The following DMRT1 variants were observed in gnomAD, a reference collection of about 807,000 sequenced individuals.
DMRT1 encodes the protein doublesex- and mab-3-related transcription factor 1.
In DMRT1, 7 loss-of-function variants were observed where a neutral mutation model predicts 32.3. The ratio of observed to expected loss-of-function variants is 0.22; its 90% CI spans 0.12 to 0.41. DMRT1 has a LOEUF of 0.41. Among genes scored for constraint, DMRT1 ranks in the 10% least tolerant of loss-of-function variants. DMRT1 has a pLI of 1.00. For synonymous variants in DMRT1, 278 were observed against 206.1 expected (o/e 1.35, Z -2.99); for missense variants, 625 against 500.5 (o/e 1.25, Z -2.37).
intron 3 of DMRT1, among the ~76,000 whole-genome samples, chr9:895,627 T>G (rs1241226162): frequency 6.6e-6 from 1 of 152,166 alleles, no homozygotes; most frequent in Non-Finnish European, 1.5e-5. Context: ...ATTGCCACAA[T>G]TAAGCTAATT....
At chr9:961,288 G>A (rs929911008) in intron 4 of DMRT1, among the ~76,000 whole-genome samples, 11 of 152,116 alleles carry the variant, frequency 7.2e-5, no homozygotes, top group Non-Finnish European at 1.3e-4. Context: ...CGCAAGCCTC[G>A]TTGTGACAGG....
intron 4 of DMRT1, among the ~76,000 whole-genome samples, chr9:959,014 A>C (rs940528752): frequency 2.0e-5 from 3 of 152,182 alleles, no homozygotes; most frequent in African/African-American, 7.2e-5. Context: ...CTGCTTTAAA[A>C]TTTTCTCATA....
At chr9:853,475 A>T (rs905448184) in intron 2 of DMRT1, among the ~76,000 whole-genome samples, 2 of 144,360 alleles carry the variant, frequency 1.4e-5, no homozygotes, top group Non-Finnish European at 3.0e-5. Flanking sequence ...TATTTAATTA[A>T]TTTTTTTTTT....
chr9:955,039 C>G (rs1233449321), intron 4 of DMRT1, among the ~76,000 whole-genome samples: 2 of 152,194 alleles, frequency 1.3e-5, no homozygotes. Flanking sequence ...TATTTAAAGC[C>G]TTGTGTGACA....
rs1012495448 is a variant in DMRT1 at position 844,723 on chromosome 9, T to C, written c.355-2237T>C. On this transcript the variant is annotated intron_variant, in intron 1 of 4. Coordinates refer to ENST00000382276, the MANE Select transcript of DMRT1 (RefSeq NM_021951.3). ...GTTGTTTTTCTTTCTTTCTTTCTTT[T>C]TTTTTTTTTTTTTTGAGACAGGAGT... Among the ~76,000 whole-genome samples the C allele has an allele frequency of 3.4e-4, 49 of 145,778 alleles. 1 individual carries two copies. The highest frequency in any genetic ancestry group is 1.2e-3 in the East Asian group (6 of 5,074).
chr9:916,943 G>A (rs1237415620), intron 4 of DMRT1, 36 bp downstream of exon 4: 7 of 1,613,342 alleles, frequency 4.3e-6, no homozygotes, highest in Non-Finnish European at 5.9e-6. Context: ...ATTTGGGGTT[G>A]AGAGAGGATG....
intron 4 of DMRT1, among the ~76,000 whole-genome samples, chr9:959,653 G>A (rs376956856): frequency 1.3e-5 from 2 of 152,092 alleles, no homozygotes; most frequent in South Asian, 2.1e-4. Flanking sequence ...TCAGCCTCCC[G>A]AGTAGCTGGG....
intron 4 of DMRT1, among the ~76,000 whole-genome samples, chr9:934,699 T>G (rs942082886): frequency 2.0e-5 from 3 of 152,250 alleles, no homozygotes; most frequent in Non-Finnish European, 4.4e-5. Flanking sequence ...AGCTTCATTC[T>G]TTTGCATGTG....
chr9:966,360 T>A (rs746628520), intron 4 of DMRT1, among the ~76,000 whole-genome samples: 10 of 152,106 alleles, frequency 6.6e-5, no homozygotes, highest in Admixed American at 2.0e-4. Flanking sequence ...TAAAAAAAAA[T>A]ATTTTCCTAT....
chr9:910,851 C>G (rs1156741414), intron 3 of DMRT1, among the ~76,000 whole-genome samples: 1 of 152,002 alleles, frequency 6.6e-6, no homozygotes, highest in East Asian at 1.9e-4. Context: ...TCATCATTCA[C>G]TGGAATCCTG....
chr9:968,098 A>T lies in DMRT1; in HGVS notation c.1081A>T (p.Ser361Cys). The change falls in exon 5 of 5, where the codon AGC (serine) becomes TGC (cysteine). Residue 361 changes from serine to cysteine, a missense_variant. Physicochemically the swap from Ser to Cys is moderately radical, Grantham distance 112. Coordinates refer to ENST00000382276, the MANE Select transcript of DMRT1 (RefSeq NM_021951.3). Reference protein sequence around the residue: ...VLECEPASEPSSFTVTPVIEE... With the variant: ...VLECEPASEPCSFTVTPVIEE... Reference sequence around the variant, plus strand: ...TGAATGTGAGCCTGCGTCGGAGCCCAGCAGCTTCACAGTCACTCCCGTCAT... The same window carrying T: ...TGAATGTGAGCCTGCGTCGGAGCCCTGCAGCTTCACAGTCACTCCCGTCAT... 6.2e-7 allele frequency: 1 copy of T among 1,614,178 alleles called. No homozygotes were observed. The highest frequency in any genetic ancestry group is 8.5e-7 in the Non-Finnish European group (1 of 1,180,040).
At chr9:874,093 G>C (rs1006081335) in intron 2 of DMRT1, among the ~76,000 whole-genome samples, 1 of 152,204 alleles carries the variant, frequency 6.6e-6, no homozygotes, top group African/African-American at 2.4e-5. Context: ...TGAGATTTTA[G>C]CATTGGCATG....
At chr9:857,978 A>G (rs1213500830) in intron 2 of DMRT1, among the ~76,000 whole-genome samples, 2 of 152,010 alleles carry the variant, frequency 1.3e-5, no homozygotes, top group Admixed American at 6.6e-5. Flanking sequence ...ATGGCTGCAT[A>G]GTATTCCATG....
intron 4 of DMRT1, among the ~76,000 whole-genome samples, chr9:926,636 A>G (rs138464189): frequency 7.2e-5 from 11 of 152,232 alleles, no homozygotes; most frequent in African/African-American, 2.6e-4. Flanking sequence ...CAGAGCAACT[A>G]CACAGAGGTT....
chr9:861,355 C>G (rs1815658391), intron 2 of DMRT1, among the ~76,000 whole-genome samples: 1 of 152,150 alleles, frequency 6.6e-6, no homozygotes, highest in South Asian at 2.1e-4. Context: ...GTGGACACAG[C>G]ACATGTTTCA....
At chr9:959,176 T>C (rs12376821) in intron 4 of DMRT1, among the ~76,000 whole-genome samples, 7,782 of 152,174 alleles carry the variant, frequency 0.051, 278 homozygotes, top group South Asian at 0.11. Flanking sequence ...GCATCTTCTT[T>C]GCCCAGCCTG....
In DMRT1 at chr9:841,713, C is replaced by A. The variant is rs971448935; in HGVS notation, c.-126C>A. Reference sequence around the variant, plus strand: ...GACCTCGCCACTCCAGCTGCGCCTCCGGCTGCAGCGCACACGTCTCCTGCG... The same window carrying A: ...GACCTCGCCACTCCAGCTGCGCCTCAGGCTGCAGCGCACACGTCTCCTGCG... On this transcript the variant is annotated 5_prime_UTR_variant, in exon 1 of 5. Coordinates refer to ENST00000382276, the MANE Select transcript of DMRT1 (RefSeq NM_021951.3). 2 of 1,536,196 alleles carry A rather than the reference C, an allele frequency of 1.3e-6. No individual in the cohort carries two copies. Among genetic ancestry groups the A allele is most frequent in the South Asian group, 1.2e-5 (1 of 83,318 alleles).
chr9:945,762 T>G (rs1256884610), intron 4 of DMRT1, among the ~76,000 whole-genome samples: 1 of 151,380 alleles, frequency 6.6e-6, no homozygotes, highest in African/African-American at 2.4e-5. Context: ...TTTTGCCAGT[T>G]GTAATCTTGG....
intron 4 of DMRT1, among the ~76,000 whole-genome samples, chr9:951,050 A>C (rs958731677): frequency 6.6e-6 from 1 of 152,164 alleles, no homozygotes; most frequent in African/African-American, 2.4e-5. Flanking sequence ...TCTCAATTTT[A>C]TCTGATTCAG....
Sources: allele counts gnomAD v4.1 joint callset (sites outside exome capture counted in the v4.1 genomes callset), GRCh38; gene constraint gnomAD v4.1.1; transcripts MANE v1.5; gene names NCBI Gene and HGNC (gene_info 2026-07-23, HGNC 2026-07-21).